The following TCF12 variants were observed in gnomAD, a reference collection of about 807,000 sequenced individuals.
The protein encoded by TCF12 is transcription factor 12.
In TCF12, 45 loss-of-function variants were observed where a neutral mutation model predicts 86.0. That is an observed-to-expected ratio of 0.52 (90% CI 0.41 to 0.67). TCF12 has a LOEUF of 0.67. Among genes scored for constraint, TCF12 ranks in the 30% least tolerant of loss-of-function variants. TCF12 has a pLI of 0.00. For missense variants in TCF12, 881 were observed against 859.9 expected (o/e 1.02, Z -0.31); for synonymous variants, 330 against 299.6 (o/e 1.10, Z -1.05).
At chr15:57,240,988 C>A (rs1400215853) in intron 12 of TCF12, among the ~76,000 whole-genome samples, 4 of 150,520 alleles carry the variant, frequency 2.7e-5, no homozygotes, top group Non-Finnish European at 5.9e-5. Context: ...TGAAATAAAT[C>A]AATGTATGTG....
chr15:56,982,327 TTAAG>T (rs1283053469), intron 3 of TCF12, among the ~76,000 whole-genome samples: 1 of 152,212 alleles, frequency 6.6e-6, no homozygotes, highest in Non-Finnish European at 1.5e-5. Context: ...ATGTGTTTAA[TTAAG>T]GTAATTAAAA....
At chr15:57,123,859 C>G (rs2051416743) in intron 5 of TCF12, among the ~76,000 whole-genome samples, 1 of 151,470 alleles carries the variant, frequency 6.6e-6, no homozygotes, top group African/African-American at 2.4e-5. Context: ...ACGCAGGAGG[C>G]TGAAGCAGGA....
At chr15:57,275,881 A>C (rs1357947692) in intron 19 of TCF12, among the ~76,000 whole-genome samples, 1 of 152,150 alleles carries the variant, frequency 6.6e-6, no homozygotes, top group Non-Finnish European at 1.5e-5. Flanking sequence ...CTTCTCTTCT[A>C]AGCCTCAGAT....
rs189750320 is a variant in TCF12, at chr15:57,264,287, G to C, written c.1745+1013G>C. On this transcript the variant is annotated intron_variant, in intron 18 of 20. Coordinates refer to ENST00000333725, the MANE Select transcript of TCF12 (RefSeq NM_207037.2). Reference sequence around the variant, plus strand: ...ATCATCTCGGCTCACTGCAACCTCCGCCTCCCAGGTTCAAGTGATTCTCCT... The same window carrying C: ...ATCATCTCGGCTCACTGCAACCTCCCCCTCCCAGGTTCAAGTGATTCTCCT... Among the ~76,000 whole-genome samples the C allele has an allele frequency of 6.4e-3, 785 of 122,324 alleles. 4 individuals carry two copies. The highest frequency in any genetic ancestry group is 0.018 in the Middle Eastern group (3 of 164). 80.2% of individuals were successfully genotyped at this position (122,324 alleles called of 152,430 possible). A position where few individuals can be genotyped will look rare whatever the true frequency, so the allele number is the denominator to read the frequency against.
chr15:57,092,351 A>G (rs1385368253), intron 5 of TCF12, among the ~76,000 whole-genome samples: 1 of 152,164 alleles, frequency 6.6e-6, no homozygotes, highest in Non-Finnish European at 1.5e-5. Context: ...TAGATATTGC[A>G]GCATTGTTTT....
intron 3 of TCF12, among the ~76,000 whole-genome samples, chr15:57,049,887 CATTA>C (rs2067493686): frequency 6.6e-6 from 1 of 152,076 alleles, no homozygotes. Flanking sequence ...TCTTTTGCGC[CATTA>C]ATTATTTTGT....
rs185462555 is a variant in TCF12, at chr15:57,118,146, A to G, written c.325+26255A>G. 6.6e-5 allele frequency among the ~76,000 whole-genome samples: 10 copies of G among 152,342 alleles called. No individual in the cohort carries two copies. In the East Asian group the frequency reaches 1.9e-3, roughly 29 times the overall value. ...AAGGCAAGCTTCTATGTTGATTATA[A>G]CACTGCCTTGTCACCATTGTGTTCT... On this transcript the variant is annotated intron_variant, in intron 5 of 20. Transcript: ENST00000333725.
chr15:56,944,592 C>T (rs1350996302), intron 3 of TCF12, among the ~76,000 whole-genome samples: 1 of 152,148 alleles, frequency 6.6e-6, no homozygotes, highest in Non-Finnish European at 1.5e-5. Flanking sequence ...AAGAGTTCTA[C>T]TTGCCAGGAG....
chr15:57,222,121 G>A (rs1240913003), intron 8 of TCF12, among the ~76,000 whole-genome samples: 4 of 151,520 alleles, frequency 2.6e-5, no homozygotes, highest in Admixed American at 2.0e-4. Flanking sequence ...CTAATAATAA[G>A]TTCACATTGA....
At chr15:56,942,680 T>G (rs894710163) in intron 3 of TCF12, among the ~76,000 whole-genome samples, 4 of 152,184 alleles carry the variant, frequency 2.6e-5, no homozygotes. Context: ...CTCAACTGGT[T>G]TAGGTGTAAA....
At chr15:56,937,232 T>C (rs1297349049) in intron 3 of TCF12, among the ~76,000 whole-genome samples, 1 of 152,222 alleles carries the variant, frequency 6.6e-6, no homozygotes, top group Non-Finnish European at 1.5e-5. Flanking sequence ...TTTTGGCTGC[T>C]GTTTTAAAAC....
chr15:57,154,234 C>T (rs188309824), intron 5 of TCF12, among the ~76,000 whole-genome samples: 3 of 152,230 alleles, frequency 2.0e-5, no homozygotes, highest in East Asian at 1.9e-4. Context: ...ATAGGGTCTT[C>T]GCTAGATGAA....
chr15:57,000,773 C>T (rs1316831210), intron 3 of TCF12, among the ~76,000 whole-genome samples: 2 of 151,984 alleles, frequency 1.3e-5, no homozygotes, highest in Non-Finnish European at 2.9e-5. Flanking sequence ...TAGTACTGCA[C>T]ACCAAGCCTG....
At chr15:57,261,859 G>A (rs1311818392) in intron 16 of TCF12, among the ~76,000 whole-genome samples, 1 of 152,088 alleles carries the variant, frequency 6.6e-6, no homozygotes, top group East Asian at 1.9e-4. Context: ...TTACAAATTA[G>A]AAGTTTCATT....
intron 3 of TCF12, among the ~76,000 whole-genome samples, chr15:56,952,621 G>A (rs553233469): frequency 1.3e-5 from 2 of 151,820 alleles, no homozygotes; most frequent in Non-Finnish European, 2.9e-5. Flanking sequence ...ATATATCTCT[G>A]TTTCATACTT....
chr15:57,201,246 A>G (rs944917427), intron 8 of TCF12, among the ~76,000 whole-genome samples: 1 of 152,050 alleles, frequency 6.6e-6, no homozygotes, highest in African/African-American at 2.4e-5. Context: ...GGACCTCACT[A>G]TCTTATATGA....
intron 5 of TCF12, among the ~76,000 whole-genome samples, chr15:57,137,131 C>G (rs2052605817): frequency 6.6e-6 from 1 of 152,010 alleles, no homozygotes. Context: ...AGGCACCTGC[C>G]ACCATGCCCG....
In TCF12 at chr15:57,093,113, A is replaced by G. The variant is rs138909375; in HGVS notation, c.325+1222A>G. On this transcript the variant is annotated intron_variant, in intron 5 of 20. Coordinates refer to ENST00000333725, the MANE Select transcript of TCF12 (RefSeq NM_207037.2). ...AATAAAACTTGTGTTTAAAATCACA[A>G]TTTGTTTCAGCGTAAATAAATGCAC... is the stretch of plus-strand genomic sequence containing the variant. 5.5e-3 allele frequency among the ~76,000 whole-genome samples: 834 copies of G among 152,318 alleles called. 3 individuals are homozygous for G. The highest frequency in any genetic ancestry group is 6.6e-3 in the Non-Finnish European group (446 of 68,022).
chr15:57,194,750 A>C (rs2057164591), intron 7 of TCF12, among the ~76,000 whole-genome samples: 1 of 152,180 alleles, frequency 6.6e-6, no homozygotes, highest in South Asian at 2.1e-4. Flanking sequence ...ACGTATTATC[A>C]CAATACATGA....
Sources: allele counts gnomAD v4.1 joint callset (sites outside exome capture counted in the v4.1 genomes callset), GRCh38; gene constraint gnomAD v4.1.1; transcripts MANE v1.5; gene names NCBI Gene and HGNC (gene_info 2026-07-23, HGNC 2026-07-21).